The following AUTS2 variants were observed in gnomAD, a reference collection of about 807,000 sequenced individuals.
AUTS2 encodes the protein activator of transcription and developmental regulator AUTS2.
A neutral mutation model predicts 112.4 loss-of-function variants in AUTS2; 17 were observed. The observed-to-expected ratio is 0.15, with a 90% CI of 0.10 to 0.23. The LOEUF is 0.23. AUTS2 is among the 10% of genes least tolerant of loss of function. AUTS2 has a pLI of 1.00. For missense variants in AUTS2, 1,510 were observed against 1,701.6 expected (o/e 0.89, Z 1.98); for synonymous variants, 751 against 702.7 (o/e 1.07, Z -1.09).
chr7:69,653,540 A>G (rs1795382972), intron 1 of AUTS2, among the ~76,000 whole-genome samples: 2 of 152,166 alleles, frequency 1.3e-5, no homozygotes. Context: ...GTAGCAGAGT[A>G]CACACACCTG....
intron 5 of AUTS2, among the ~76,000 whole-genome samples, chr7:70,588,072 T>C (rs1025028947): frequency 1.3e-5 from 2 of 152,180 alleles, no homozygotes; most frequent in African/African-American, 4.8e-5. Context: ...AGATCAAAGA[T>C]GGTTGGTCAG....
chr7:70,003,923 AAT>A (rs1204261429), intron 2 of AUTS2, among the ~76,000 whole-genome samples: 3 of 80,390 alleles, frequency 3.7e-5, no homozygotes, highest in South Asian at 4.0e-4. Flanking sequence ...GTTATATATG[AAT>A]ATATATATTA....
chr7:70,051,811 A>G (rs1801768918), intron 2 of AUTS2, among the ~76,000 whole-genome samples: 1 of 152,206 alleles, frequency 6.6e-6, no homozygotes, highest in African/African-American at 2.4e-5. Context: ...ATGTTTATGG[A>G]GTAGTTTAAT....
chr7:70,531,842 C>G (rs1800108130), intron 5 of AUTS2, among the ~76,000 whole-genome samples: 1 of 152,124 alleles, frequency 6.6e-6, no homozygotes, highest in Non-Finnish European at 1.5e-5. Context: ...ATAACAAACC[C>G]CCCCAAAACT....
intron 2 of AUTS2, among the ~76,000 whole-genome samples, chr7:70,052,422 G>A (rs1176757776): frequency 6.6e-6 from 1 of 152,134 alleles, no homozygotes; most frequent in African/African-American, 2.4e-5. Context: ...AGATGGTATT[G>A]TATCCATTTT....
chr7:70,138,049 G>A (rs1199166302), intron 4 of AUTS2, among the ~76,000 whole-genome samples: 1 of 152,148 alleles, frequency 6.6e-6, no homozygotes, highest in Non-Finnish European at 1.5e-5. Context: ...ACATATTATG[G>A]TTGTTCTCTG....
At chr7:69,793,841 CAAAG>C (rs1196331053) in intron 1 of AUTS2, among the ~76,000 whole-genome samples, 1 of 151,990 alleles carries the variant, frequency 6.6e-6, no homozygotes, top group Non-Finnish European at 1.5e-5. Flanking sequence ...GAGCCACTGA[CAAAG>C]AAGGATAAAT....
chr7:70,388,487 G>A (rs1048616828), intron 4 of AUTS2, among the ~76,000 whole-genome samples: 1 of 152,194 alleles, frequency 6.6e-6, no homozygotes, highest in Non-Finnish European at 1.5e-5. Context: ...TCAGTGTCAA[G>A]AGAGTTCTCA....
At chr7:69,773,786 G>A (rs950345843) in intron 1 of AUTS2, among the ~76,000 whole-genome samples, 6 of 152,186 alleles carry the variant, frequency 3.9e-5, no homozygotes, top group Non-Finnish European at 8.8e-5. Context: ...GAGTATCAGC[G>A]GGGTCCAGCC....
intron 4 of AUTS2, among the ~76,000 whole-genome samples, chr7:70,418,513 T>C (rs551264783): frequency 6.6e-6 from 1 of 152,268 alleles, no homozygotes; most frequent in African/African-American, 2.4e-5. Context: ...TCTTTCTAAC[T>C]TGTGAGTGGG....
chr7:69,880,452 C>G (rs139126178), intron 1 of AUTS2, among the ~76,000 whole-genome samples: 5 of 152,312 alleles, frequency 3.3e-5, no homozygotes, highest in African/African-American at 1.2e-4. Flanking sequence ...TTAGCATTCA[C>G]TACCACAGTG....
At chr7:70,437,835 A>G (rs575376640) in intron 5 of AUTS2, 4 of 142,054 alleles carry the variant, frequency 2.8e-5, no homozygotes, top group Admixed American at 2.1e-4. Flanking sequence ...GTGAGATTCC[A>G]TCAAAAAAAA....
chr7:70,060,279 G>C (rs1223460810), intron 2 of AUTS2, among the ~76,000 whole-genome samples: 1 of 152,200 alleles, frequency 6.6e-6, no homozygotes, highest in Admixed American at 6.5e-5. Context: ...ATAAAGAGAA[G>C]AACATTGTAT....
intron 1 of AUTS2, among the ~76,000 whole-genome samples, chr7:69,709,482 G>A (rs1302298540): frequency 6.6e-6 from 1 of 152,128 alleles, no homozygotes; most frequent in African/African-American, 2.4e-5. Context: ...TTCTCACCCT[G>A]TGTTGAAAAA....
rs368172950 is a variant in AUTS2, at chr7:70,001,045, T to A, written c.522+101547T>A. ...TTTAGATCCTAGAAGTCTTGTCTATTGGTGGCTGGAAAAATAGCTAGTACT... is the reference window on the plus strand; with the variant it reads ...TTTAGATCCTAGAAGTCTTGTCTATAGGTGGCTGGAAAAATAGCTAGTACT... On this transcript the variant is annotated intron_variant, in intron 2 of 18. Coordinates refer to ENST00000342771, the MANE Select transcript of AUTS2 (RefSeq NM_015570.4). Among the ~76,000 whole-genome samples, 131 of 152,314 alleles carry A rather than the reference T, an allele frequency of 8.6e-4. 3 individuals are homozygous for A. In the South Asian group the frequency reaches 0.027, roughly 32 times the overall value.
At chr7:70,405,217 T>C (rs1448314111) in intron 4 of AUTS2, among the ~76,000 whole-genome samples, 1 of 152,196 alleles carries the variant, frequency 6.6e-6, no homozygotes, top group Non-Finnish European at 1.5e-5. Flanking sequence ...TGTTGTTCTA[T>C]AAAATATAGT....
intron 5 of AUTS2, among the ~76,000 whole-genome samples, chr7:70,454,697 C>T (rs527623620): frequency 1.5e-4 from 23 of 152,294 alleles, no homozygotes; most frequent in Admixed American, 1.1e-3. Context: ...AAACCACCAT[C>T]GCCTTTGAGT....
intron 2 of AUTS2, among the ~76,000 whole-genome samples, chr7:70,009,091 A>T (rs1799674176): frequency 1.3e-5 from 2 of 152,164 alleles, no homozygotes; most frequent in African/African-American, 2.4e-5. Context: ...GCTGGAAATT[A>T]TAAGAGTATG....
At position 70,549,179 on chromosome 7, in the gene AUTS2, T is replaced by C. The variant is rs188448673; in HGVS notation, c.690+113398T>C. Among the ~76,000 whole-genome samples the C allele has an allele frequency of 1.8e-3, 268 of 152,332 alleles. 1 individual carries two copies. Among genetic ancestry groups the C allele is most frequent in the African/African-American group, 6.2e-3 (256 of 41,582 alleles). On this transcript the variant is annotated intron_variant, in intron 5 of 18. Coordinates refer to ENST00000342771, the MANE Select transcript of AUTS2 (RefSeq NM_015570.4). ...ATTTCTTTTTCCAATTGTTTATTGCTAGTATATAAAAACATTGATTTTCAT... is the reference window on the plus strand; with the variant it reads ...ATTTCTTTTTCCAATTGTTTATTGCCAGTATATAAAAACATTGATTTTCAT...
Sources: gnomAD v4.1 joint callset for allele counts (sites outside exome capture counted in the v4.1 genomes callset) on GRCh38, gnomAD v4.1.1 for gene constraint, MANE v1.5 for transcripts, NCBI Gene and HGNC (gene_info 2026-07-23, HGNC 2026-07-21) for gene names.